The following LRP1B variants were observed in gnomAD, a reference collection of about 807,000 sequenced individuals.
LRP1B encodes LDL receptor related protein 1B.
A neutral mutation model predicts 556.6 loss-of-function variants in LRP1B; 217 were observed. The ratio of observed to expected loss-of-function variants is 0.39; its 90% CI spans 0.35 to 0.44. The LOEUF is 0.44. Among genes scored for constraint, LRP1B ranks in the 20% least tolerant of loss-of-function variants. LRP1B has a pLI of 1.00. For synonymous variants in LRP1B, 2,047 were observed against 1,865.8 expected, an observed-to-expected ratio of 1.10 and a Z score of -2.50; for missense variants, 5,053 against 5,620.8, an observed-to-expected ratio of 0.90 and a Z score of 3.23.
intron 7 of LRP1B, among the ~76,000 whole-genome samples, chr2:141,169,970 G>T (rs1680429272): frequency 1.3e-5 from 2 of 151,926 alleles, no homozygotes; most frequent in Non-Finnish European, 2.9e-5. Context: ...CTGCCACATT[G>T]TATACAGCAA....
chr2:140,474,835 C>G (rs1326192422), intron 60 of LRP1B, among the ~76,000 whole-genome samples: 1 of 151,832 alleles, frequency 6.6e-6, no homozygotes, highest in African/African-American at 2.4e-5. Flanking sequence ...AAATAACCTT[C>G]TATTTCAATT....
intron 83 of LRP1B, among the ~76,000 whole-genome samples, chr2:140,308,027 A>G (rs994497673): frequency 2.0e-5 from 3 of 151,852 alleles, no homozygotes; most frequent in Non-Finnish European, 2.9e-5. Flanking sequence ...ATTACTACCT[A>G]TTTGCTAATA....
At chr2:141,281,177 T>C (rs1372040858) in intron 3 of LRP1B, among the ~76,000 whole-genome samples, 1 of 152,088 alleles carries the variant, frequency 6.6e-6, no homozygotes, top group Non-Finnish European at 1.5e-5. Flanking sequence ...CTTGCTTTCT[T>C]TTCTGGCAGC....
At position 141,196,788 on chromosome 2, in the gene LRP1B, C is replaced by T. The variant is rs578045173; in HGVS notation, c.851-8205G>A. 5.7e-4 allele frequency among the ~76,000 whole-genome samples: 87 copies of T among 152,222 alleles called. 2 individuals carry two copies. The highest frequency in any genetic ancestry group is 1.7e-3 in the African/African-American group (71 of 41,544). On this transcript the variant is annotated intron_variant, in intron 6 of 90. Transcript: ENST00000389484. ...ACCATCTTCCTGTTCCAAACTGCAACGGTTTACTCCTTCGCCATGGTTTGG... is the reference window on the plus strand; with the variant it reads ...ACCATCTTCCTGTTCCAAACTGCAATGGTTTACTCCTTCGCCATGGTTTGG...
At chr2:141,055,411 A>T in intron 9 of LRP1B, 152 bp from the exon 10 acceptor site, 1 of 668,372 alleles carries the variant, frequency 1.5e-6, no homozygotes, top group Non-Finnish European at 2.4e-6. Context: ...TCGAATGCAA[A>T]AGAGTGTAAA....
chr2:140,818,190 G>A (rs1691195794), intron 31 of LRP1B, among the ~76,000 whole-genome samples: 1 of 152,128 alleles, frequency 6.6e-6, no homozygotes, highest in Non-Finnish European at 1.5e-5. Flanking sequence ...ATGTAGATAT[G>A]GGAAATAGAC....
At chr2:141,247,089 G>T in intron 5 of LRP1B, 137 bp downstream of exon 5, 1 of 899,488 alleles carries the variant, frequency 1.1e-6, no homozygotes. Flanking sequence ...CCTAACTATA[G>T]AGAAGTGTAT....
intron 1 of LRP1B, among the ~76,000 whole-genome samples, chr2:141,869,141 C>G (rs1698502564): frequency 2.0e-5 from 3 of 152,064 alleles, no homozygotes; most frequent in South Asian, 4.1e-4. Context: ...ATATTCTAGA[C>G]CAGTGCCATC....
intron 31 of LRP1B, among the ~76,000 whole-genome samples, chr2:140,838,953 A>G (rs1692010653): frequency 1.3e-5 from 2 of 152,186 alleles, no homozygotes; most frequent in African/African-American, 4.8e-5. Context: ...TTTCTTGGGA[A>G]CAAGTCAAGG....
chr2:141,368,007 C>G (rs897171188), intron 3 of LRP1B, among the ~76,000 whole-genome samples: 2 of 152,096 alleles, frequency 1.3e-5, no homozygotes, highest in East Asian at 3.9e-4. Flanking sequence ...AAAGTGTATA[C>G]CTCACCATGC....
At chr2:141,444,589 G>C (rs1455217599) in intron 3 of LRP1B, among the ~76,000 whole-genome samples, 1 of 152,106 alleles carries the variant, frequency 6.6e-6, no homozygotes, top group African/African-American at 2.4e-5. Flanking sequence ...TTATTATTTT[G>C]AGATATGTTC....
At chr2:140,844,117 A>T (rs1692202594) in intron 29 of LRP1B, among the ~76,000 whole-genome samples, 1 of 151,788 alleles carries the variant, frequency 6.6e-6, no homozygotes, top group Admixed American at 6.6e-5. Flanking sequence ...GCTGGAGTGC[A>T]ATGGCAAGAT....
rs377578309 is a variant in LRP1B at position 140,839,021 on chromosome 2, A to G, written c.5209+970T>C. On this transcript the variant is annotated intron_variant, in intron 31 of 90. Coordinates refer to ENST00000389484, the MANE Select transcript of LRP1B (RefSeq NM_018557.3). Reference sequence around the variant, plus strand: ...GATTTGCAATGGTTGGCAAAGGTAGAATAAGAAACTAAATGAACAGAGTGA... The same window carrying G: ...GATTTGCAATGGTTGGCAAAGGTAGGATAAGAAACTAAATGAACAGAGTGA... 7.9e-5 allele frequency among the ~76,000 whole-genome samples: 12 copies of G among 152,276 alleles called. No homozygotes were observed. The South Asian group carries it at 2.3e-3, about 29-fold the overall frequency.
chr2:141,107,255 C>T (rs1269627636), intron 7 of LRP1B, among the ~76,000 whole-genome samples: 1 of 151,986 alleles, frequency 6.6e-6, no homozygotes, highest in Non-Finnish European at 1.5e-5. Context: ...TAAAAATAAA[C>T]TGCAGTTATA....
chr2:141,477,150 C>A (rs1235939640), intron 3 of LRP1B, among the ~76,000 whole-genome samples: 1 of 117,904 alleles, frequency 8.5e-6, no homozygotes, highest in African/African-American at 2.9e-5. Context: ...ACAAAAAAAA[C>A]CCCAAAAAAC....
In LRP1B at chr2:141,571,440, C is replaced by T. The variant is rs573184035; in HGVS notation, c.206-90907G>A. Among the ~76,000 whole-genome samples the T allele has an allele frequency of 2.7e-4, 37 of 139,610 alleles. 1 individual carries two copies. The highest frequency in any genetic ancestry group is 2.0e-3 in the South Asian group (9 of 4,614). The allele number at this position is 139,610 out of a possible 152,430, so 91.6% of individuals were successfully genotyped here. On this transcript the variant is annotated intron_variant, in intron 2 of 90. Coordinates refer to ENST00000389484, the MANE Select transcript of LRP1B (RefSeq NM_018557.3). ...CCAAGGGTCAGCATGGCCTCAAAGA[C>T]CGAAACTAGACAAACTCACAAAGAT... is the stretch of plus-strand genomic sequence containing the variant.
At chr2:141,544,336 T>TTTCTTCTC (rs1685431970) in intron 2 of LRP1B, among the ~76,000 whole-genome samples, 2 of 76,932 alleles carry the variant, frequency 2.6e-5, no homozygotes, top group African/African-American at 9.7e-5. Flanking sequence ...TTCTTCTTCT[T>TTTCTTCTC]CTTCTTCTTC....
At chr2:140,408,540 A>G (rs569659986) in intron 66 of LRP1B, among the ~76,000 whole-genome samples, 2 of 152,010 alleles carry the variant, frequency 1.3e-5, no homozygotes, top group South Asian at 4.1e-4. Context: ...GAAGTGCTAA[A>G]AAGAGAAATG....
At chr2:141,450,717 A>G (rs1043543202) in intron 3 of LRP1B, among the ~76,000 whole-genome samples, 1 of 152,008 alleles carries the variant, frequency 6.6e-6, no homozygotes, top group African/African-American at 2.4e-5. Context: ...ATAAATCTTC[A>G]TTTATTTGAA....
Sources: allele counts gnomAD v4.1 joint callset (sites outside exome capture counted in the v4.1 genomes callset), GRCh38; gene constraint gnomAD v4.1.1; transcripts MANE v1.5; gene names NCBI Gene and HGNC (gene_info 2026-07-23, HGNC 2026-07-21).